Variants in WAC observed in about 807,000 individuals in gnomAD.
The protein encoded by WAC is WW domain-containing adapter protein with coiled-coil.
Under a neutral mutation model 79.6 loss-of-function variants are expected in WAC, and 11 were observed. The observed-to-expected ratio is 0.14, with a 90% CI of 0.09 to 0.23. The LOEUF (loss-of-function observed/expected upper bound fraction) is 0.23, where lower values mean the gene tolerates loss of function less well. Among genes scored for constraint, WAC ranks in the 10% least tolerant of loss-of-function variants. The probability of loss-of-function intolerance (pLI) is 1.00; values close to 1 mark genes in which losing one functional copy is unlikely to be tolerated. For synonymous variants in WAC, 304 were observed against 276.9 expected (o/e 1.10, Z -0.97); for missense variants, 728 against 773.5 (o/e 0.94, Z 0.70).
In WAC at chr10:28,541,415, G is replaced by GTTTTTTTTTTTTTTTTT. The variant is rs143772149; in HGVS notation, c.274+5662_274+5663insTTTTTTTTTTTTTTTTT. 1.3e-4 allele frequency among the ~76,000 whole-genome samples: 5 copies of GTTTTTTTTTTTTTTTTT among 37,890 alleles called. 1 individual carries two copies. Among genetic ancestry groups the GTTTTTTTTTTTTTTTTT allele is most frequent in the African/African-American group, 5.8e-4 (4 of 6,848 alleles). 24.9% of individuals were successfully genotyped at this position (37,890 alleles called of 152,430 possible). A position where few individuals can be genotyped will look rare whatever the true frequency, so the allele number is the denominator to read the frequency against. On this transcript the variant is annotated intron_variant, in intron 3 of 13. Coordinates refer to ENST00000354911, the MANE Select transcript of WAC (RefSeq NM_016628.5). ...TTTTTGTGGGGTTGTGTGTGTGTGT[G>GTTTTTTTTTTTTTTTTT]TTTTGTTTTTTTTTTTTTTTTTTTT...
chr10:28,577,323 T>C (rs1274819706), intron 3 of WAC, among the ~76,000 whole-genome samples: 4 of 152,230 alleles, frequency 2.6e-5, no homozygotes, highest in Non-Finnish European at 4.4e-5. Context: ...TTTATCCTAA[T>C]GGTTTTTTTT....
chr10:28,534,653 G>A (rs1368604565), intron 2 of WAC, among the ~76,000 whole-genome samples: 5 of 152,332 alleles, frequency 3.3e-5, no homozygotes, highest in African/African-American at 1.2e-4. Flanking sequence ...TGTGTGTGAA[G>A]TTCTAAGGAT....
At chr10:28,579,232 A>G (rs1839407975) in intron 3 of WAC, among the ~76,000 whole-genome samples, 1 of 151,480 alleles carries the variant, frequency 6.6e-6, no homozygotes, top group Non-Finnish European at 1.5e-5. Flanking sequence ...TACACAGTGC[A>G]TAAAGGTACT....
At chr10:28,583,568 A>G in intron 4 of WAC, 63 bp downstream of exon 4, 1 of 1,136,862 alleles carries the variant, frequency 8.8e-7, no homozygotes, top group Non-Finnish European at 1.2e-6. Flanking sequence ...AAAAAAAAAA[A>G]TACAACCCAT....
intron 3 of WAC, among the ~76,000 whole-genome samples, chr10:28,544,530 C>T (rs564246292): frequency 6.6e-6 from 1 of 152,330 alleles, no homozygotes; most frequent in African/African-American, 2.4e-5. Context: ...CAGACTGTGA[C>T]AGAGTAGATT....
intron 3 of WAC, among the ~76,000 whole-genome samples, chr10:28,573,538 TA>T (rs1215255206): frequency 6.6e-6 from 1 of 152,192 alleles, no homozygotes; most frequent in African/African-American, 2.4e-5. Context: ...ATTTAAGCCA[TA>T]AGAGAATGTC....
Position 28,622,527 on chromosome 10 carries a change from G to C in WAC, c.*2921G>C, listed in dbSNP as rs61477177. 1 of 147,010 alleles carries C rather than the reference G, an allele frequency of 6.8e-6. No homozygotes were observed. Among genetic ancestry groups the C allele is most frequent in the Admixed American group, 7.2e-5 (1 of 13,908 alleles). The allele number at this position is 147,010 out of a possible 1,614,324, so 9.1% of individuals were successfully genotyped here. Reference sequence around the variant, plus strand: ...ATATATTTGATGAAAGAAGGTTACAGACTCCCCTGAAGAACCAGCTTTCCT... The same window carrying C: ...ATATATTTGATGAAAGAAGGTTACACACTCCCCTGAAGAACCAGCTTTCCT... On this transcript the variant is annotated 3_prime_UTR_variant, in exon 14 of 14. Coordinates refer to ENST00000354911, the MANE Select transcript of WAC (RefSeq NM_016628.5).
At chr10:28,542,250 C>T (rs897915558) in intron 3 of WAC, among the ~76,000 whole-genome samples, 16 of 152,214 alleles carry the variant, frequency 1.1e-4, no homozygotes, top group African/African-American at 3.6e-4. Context: ...CTGAAACAGT[C>T]ATTCTCATCA....
intron 3 of WAC, among the ~76,000 whole-genome samples, chr10:28,548,445 G>T (rs945840740): frequency 3.9e-5 from 6 of 152,020 alleles, no homozygotes; most frequent in Non-Finnish European, 8.8e-5. Context: ...TAATTTTTAA[G>T]TGTACACTCC....
At chr10:28,594,297 G>A (rs1024329790) in intron 6 of WAC, among the ~76,000 whole-genome samples, 4 of 152,142 alleles carry the variant, frequency 2.6e-5, no homozygotes, top group African/African-American at 7.2e-5. Flanking sequence ...AATAAAAATT[G>A]TATACAGGGT....
At position 28,611,868 on chromosome 10, in the gene WAC, C is replaced by T. The variant is rs1217984430; in HGVS notation, c.1383C>T (p.Asn461=). The change falls in exon 10 of 14, where the codon AAC becomes AAT. Residue 461 remains asparagine, a synonymous_variant. Coordinates refer to ENST00000354911, the MANE Select transcript of WAC (RefSeq NM_016628.5). ...CAAGAATAAGCACACCTCAAACTAA[C>T]ACAGTCCCTATCAAACCTTTGATCA... The part of the protein sequence containing the change: ...VSPRISTPQT[N]TVPIKPLIST... 1.2e-6 allele frequency: 2 copies of T among 1,614,066 alleles called. No homozygotes were observed. The highest frequency in any genetic ancestry group is 1.7e-6 in the Non-Finnish European group (2 of 1,180,040).
rs577654962 is a variant in WAC at position 28,588,006 on chromosome 10, G to A, written c.382-1730G>A. 3.3e-5 allele frequency among the ~76,000 whole-genome samples: 5 copies of A among 152,118 alleles called. No individual in the cohort carries two copies. The East Asian group carries it at 9.7e-4, about 29-fold the overall frequency. On this transcript the variant is annotated intron_variant, in intron 4 of 13. Transcript: ENST00000354911. Reference sequence around the variant, plus strand: ...AAATGCAAACTCCTTATTTCCTCCAGGATAAGTTGGCAAACCATCACTTGG... The same window carrying A: ...AAATGCAAACTCCTTATTTCCTCCAAGATAAGTTGGCAAACCATCACTTGG...
intron 3 of WAC, among the ~76,000 whole-genome samples, chr10:28,537,961 C>T (rs1424456268): frequency 6.6e-6 from 1 of 152,182 alleles, no homozygotes; most frequent in East Asian, 1.9e-4. Context: ...TGATTGTCGT[C>T]TTCTGGAGTC....
Position 28,583,389 on chromosome 10 carries a change from T to A in WAC, c.275-10T>A, listed in dbSNP as rs1297275272. 6.4e-7 allele frequency: 1 copy of A among 1,562,152 alleles called. No homozygotes were observed. The highest frequency in any genetic ancestry group is 1.2e-5 in the South Asian group (1 of 82,904). On this transcript the variant is annotated splice_polypyrimidine_tract_variant and intron_variant, in intron 3 of 13. Transcript: ENST00000354911. Reference sequence around the variant, plus strand: ...TACTTGTAATTCACTTTGTTCTTTATTTTTTTAAGGGACCAGTTACTCTCC... The same window carrying A: ...TACTTGTAATTCACTTTGTTCTTTAATTTTTTAAGGGACCAGTTACTCTCC...
At chr10:28,551,424 G>A (rs1340151863) in intron 3 of WAC, among the ~76,000 whole-genome samples, 1 of 152,180 alleles carries the variant, frequency 6.6e-6, no homozygotes, top group Non-Finnish European at 1.5e-5. Flanking sequence ...ACTTTTACAA[G>A]TAAACCGATT....
chr10:28,596,362 CAGTTT>C (rs1348464607), intron 7 of WAC, among the ~76,000 whole-genome samples: 2 of 152,130 alleles, frequency 1.3e-5, no homozygotes, highest in Non-Finnish European at 2.9e-5. Flanking sequence ...ATTGTCTTGA[CAGTTT>C]AGTTTATAAA....
intron 12 of WAC, among the ~76,000 whole-genome samples, chr10:28,617,119 A>T (rs1014133022): frequency 2.0e-5 from 3 of 151,952 alleles, no homozygotes; most frequent in South Asian, 2.1e-4. Context: ...ATTTTCTATG[A>T]CTCTCTCACT....
chr10:28,611,483 T>C, intron 9 of WAC: 2 of 1,361,722 alleles, frequency 1.5e-6, no homozygotes, highest in Non-Finnish European at 1.9e-6. Context: ...ATAAGGATGG[T>C]GAGGAGGCCT....
chr10:28,595,729 A>T lies in WAC; in HGVS notation c.611-4A>T, dbSNP rs777503469. ...CATCTGTTTTTTCGAACTGTGAACT[A>T]AAGTGGAAGACAAGCATTCCAGTGA... is the stretch of plus-strand genomic sequence containing the variant. On this transcript the variant is annotated splice_polypyrimidine_tract_variant and splice_region_variant and intron_variant, in intron 6 of 13. Coordinates refer to ENST00000354911, the MANE Select transcript of WAC (RefSeq NM_016628.5). The T allele has an allele frequency of 1.9e-6, 3 of 1,609,626 alleles. No homozygotes were observed. Among genetic ancestry groups the T allele is most frequent in the Non-Finnish European group, 2.5e-6 (3 of 1,176,514 alleles).
Sources: gnomAD v4.1 joint callset for allele counts (sites outside exome capture counted in the v4.1 genomes callset) on GRCh38, gnomAD v4.1.1 for gene constraint, MANE v1.5 for transcripts, NCBI Gene and HGNC (gene_info 2026-07-23, HGNC 2026-07-21) for gene names.